The following LRRK2 variants were observed in gnomAD, a reference collection of about 807,000 sequenced individuals.
The protein encoded by LRRK2 is leucine rich repeat kinase 2.
A neutral mutation model predicts 302.6 loss-of-function variants in LRRK2; 203 were observed. The ratio of observed to expected loss-of-function variants is 0.67; its 90% CI spans 0.60 to 0.75. LRRK2 has a LOEUF of 0.75. Ranked by LOEUF, LRRK2 falls within the 30% of genes least tolerant of loss-of-function variation. The pLI is 0.00. For synonymous variants in LRRK2, 1,066 were observed against 1,031.9 expected (o/e 1.03, Z -0.63); for missense variants, 2,830 against 2,951.0 (o/e 0.96, Z 0.95).
chr12:40,365,596 C>G (rs1054626641), intron 49 of LRRK2: 5 of 151,570 alleles, frequency 3.3e-5, no homozygotes, highest in African/African-American at 9.7e-5. Context: ...AATATATTTT[C>G]TGCATAAATA....
At chr12:40,315,806 AT>A (rs5797666) in intron 33 of LRRK2, among the ~76,000 whole-genome samples, 105,567 of 151,362 alleles carry the variant, frequency 0.7, 37,133 homozygotes, top group African/African-American at 0.77. Context: ...ATGGAAAATG[AT>A]TTTTTTCTCC....
chr12:40,348,874 CT>C (rs1036463548), intron 43 of LRRK2, among the ~76,000 whole-genome samples: 8 of 151,910 alleles, frequency 5.3e-5, no homozygotes, highest in African/African-American at 1.9e-4. Flanking sequence ...TGGTGGCTTG[CT>C]TTTTAAATTT....
At chr12:40,305,647 A>G (rs753090943) in intron 27 of LRRK2, 138 bp from the exon 28 acceptor site, 8 of 776,402 alleles carry the variant, frequency 1.0e-5, no homozygotes, top group Admixed American at 6.1e-5. Flanking sequence ...AACCTTTGGA[A>G]AGTTTTAAAA....
chr12:40,287,492 C>G lies in LRRK2; in HGVS notation c.2642C>G (p.Ser881Cys). Residue 881 changes from serine to cysteine, a missense_variant, in exon 20 of 51, where the codon TCT becomes TGT. By Grantham distance (112) the Ser-to-Cys change is moderately radical (BLOSUM62 -1). This residue lies in a region of LRRK2 where 2,121 missense variants were observed against 2,148.0 expected (regional missense o/e 0.99). Transcript: ENST00000298910. ...KFDEWTFIPD[S>C]SMDSVFAQSD... ...GATGAATGGACCTTTATTCCTGACTCTTCTATGGACAGTGTGTTTGCTCAA... is the reference window on the plus strand; with the variant it reads ...GATGAATGGACCTTTATTCCTGACTGTTCTATGGACAGTGTGTTTGCTCAA... 6.2e-7 allele frequency: 1 copy of G among 1,612,588 alleles called. No individual in the cohort carries two copies. Among genetic ancestry groups the G allele is most frequent in the South Asian group, 1.1e-5 (1 of 91,050 alleles).
intron 14 of LRRK2, among the ~76,000 whole-genome samples, chr12:40,265,035 A>G (rs911962580): frequency 3.3e-5 from 5 of 152,238 alleles, no homozygotes; most frequent in Non-Finnish European, 7.3e-5. Context: ...TAAATTAATT[A>G]AAGTGGCTTC....
intron 27 of LRRK2, 96 bp downstream of exon 27, chr12:40,304,230 C>T (rs1007885188): frequency 7.6e-6 from 9 of 1,181,228 alleles, no homozygotes; most frequent in Non-Finnish European, 1.1e-5. Context: ...ATACCAATTT[C>T]ATGAAACTAG....
In LRRK2 at chr12:40,303,952, C is replaced by A. The variant is rs746433333; in HGVS notation, c.3595C>A (p.Arg1199=). 3.7e-6 allele frequency: 6 copies of A among 1,613,406 alleles called. No individual in the cohort carries two copies. The highest frequency in any genetic ancestry group is 5.1e-6 in the Non-Finnish European group (6 of 1,179,548). The change falls in exon 27 of 51, where the codon CGG becomes AGG. Residue 1199 remains arginine, a synonymous_variant. Coordinates refer to ENST00000298910, the MANE Select transcript of LRRK2 (RefSeq NM_198578.4). The part of the protein sequence containing the change: ...PEAILNLPHL[R]SLDMSSNDIQ... ...CTTTTCTGTGTATTGTTTTAGCTTG[C>A]GGTCTTTAGATATGAGCAGCAATGA...
chr12:40,294,735 A>G (rs1284215530), intron 21 of LRRK2, 110 bp from the exon 22 acceptor site: 6 of 603,608 alleles, frequency 9.9e-6, no homozygotes, highest in South Asian at 6.3e-5. Context: ...ATTTTTTCCC[A>G]TAATTATAAA....
chr12:40,310,780 A>G (rs2136828664), intron 31 of LRRK2, 131 bp downstream of exon 31: 1 of 836,272 alleles, frequency 1.2e-6, no homozygotes, highest in African/African-American at 1.7e-5. Context: ...TAGCATTATT[A>G]AAGTCCTTTC....
chr12:40,325,288 CAAAACAA>C (rs1461762084), intron 38 of LRRK2, among the ~76,000 whole-genome samples: 2 of 152,064 alleles, frequency 1.3e-5, no homozygotes, highest in African/African-American at 2.4e-5. Context: ...CAAAACAAAA[CAAAACAA>C]AAAACAAAAA....
intron 18 of LRRK2, among the ~76,000 whole-genome samples, chr12:40,280,935 G>A (rs1450955373): frequency 1.3e-5 from 2 of 151,810 alleles, no homozygotes; most frequent in African/African-American, 4.8e-5. Context: ...AGGCGTGGTG[G>A]CAGGTGCCTG....
In LRRK2 at chr12:40,315,212, G is replaced by T. The variant is rs1393753963; in HGVS notation, c.4739G>T (p.Gly1580Val). 1 of 1,610,290 alleles carries T rather than the reference G, an allele frequency of 6.2e-7. No homozygotes were observed. Among genetic ancestry groups the T allele is most frequent in the African/African-American group, 1.3e-5 (1 of 74,840 alleles). ...ACTGTTTGATGACTTTTTACTACAG[G>T]AGTCCTTCTTCATTTTCAAGACCCA... is the stretch of plus-strand genomic sequence containing the variant. ...PHAVHFLNES[G>V]VLLHFQDPAL... is the part of the protein sequence containing the mutation. The change falls in exon 33 of 51, where the codon GGA becomes GTA. Residue 1580 changes from glycine to valine, a missense_variant and splice_region_variant. This residue lies in a region of LRRK2 where 2,121 missense variants were observed against 2,148.0 expected (regional missense o/e 0.99). Coordinates refer to ENST00000298910, the MANE Select transcript of LRRK2 (RefSeq NM_198578.4).
chr12:40,346,832 C>T lies in LRRK2; in HGVS notation c.6189C>T (p.Leu2063=). The T allele has an allele frequency of 6.2e-7, 1 of 1,613,654 alleles. No homozygotes were observed. The highest frequency in any genetic ancestry group is 8.5e-7 in the Non-Finnish European group (1 of 1,179,696). ...ATGTTTATTCATTTGGTTTACTACTCTATGACATTTTGACAACTGGAGGTA... is the reference window on the plus strand; with the variant it reads ...ATGTTTATTCATTTGGTTTACTACTTTATGACATTTTGACAACTGGAGGTA... The part of the protein sequence containing the change: ...QADVYSFGLL[L]YDILTTGGRI... The change falls in exon 42 of 51, where the codon CTC becomes CTT. Residue 2063 remains leucine, a synonymous_variant. Transcript: ENST00000298910.
rs755698334 is a variant in LRRK2, at chr12:40,367,748, C to G, written c.7567C>G (p.Arg2523Gly). Residue 2523 changes from arginine to glycine, a missense_variant, in exon 51 of 51, where the codon CGA (arginine) becomes GGA (glycine). Arg to Gly is a moderately radical substitution (Grantham distance 125, BLOSUM62 -2). Around this residue, in one of 3 missense-constraint regions of LRRK2, gnomAD observed 456 missense variants for 456.3 expected, o/e 1.00. Transcript: ENST00000298910. Reference sequence around the variant, plus strand: ...AAAAGAATTAGCTGAAAAAATGAGACGAACATCTGTTGAGTAAGAGAGAAA... The same window carrying G: ...AAAAGAATTAGCTGAAAAAATGAGAGGAACATCTGTTGAGTAAGAGAGAAA... ...VRKELAEKMR[R>G]TSVE The G allele has an allele frequency of 6.2e-7, 1 of 1,604,410 alleles. No homozygotes were observed. Among genetic ancestry groups the G allele is most frequent in the Non-Finnish European group, 8.5e-7 (1 of 1,174,510 alleles).
chr12:40,345,403 A>G (rs1946161147), intron 41 of LRRK2, among the ~76,000 whole-genome samples: 2 of 151,946 alleles, frequency 1.3e-5, no homozygotes, highest in East Asian at 3.9e-4. Flanking sequence ...TGGGTGGATC[A>G]CTTGAGGTCA....
Position 40,363,398 on chromosome 12 carries a change from G to A in LRRK2, c.7029-4G>A. On this transcript the variant is annotated splice_polypyrimidine_tract_variant and splice_region_variant and intron_variant, in intron 47 of 50. Coordinates refer to ENST00000298910, the MANE Select transcript of LRRK2 (RefSeq NM_198578.4). ...GATGACTTTCTATTTTTTTTTCTCT[G>A]TAGGTTTTCTTATGCAGCTTTCAGT... 1 of 1,609,260 alleles carries A rather than the reference G, an allele frequency of 6.2e-7. No individual in the cohort carries two copies. The highest frequency in any genetic ancestry group is 1.1e-5 in the South Asian group (1 of 90,892).
At chr12:40,354,203 A>G in intron 44 of LRRK2, 96 bp from the exon 45 acceptor site, 1 of 1,010,722 alleles carries the variant, frequency 9.9e-7, no homozygotes, top group Non-Finnish European at 1.5e-6. Context: ...GAAAGCAAAA[A>G]GAGTTATGTT....
chr12:40,279,846 T>C (rs1943611669), intron 18 of LRRK2, among the ~76,000 whole-genome samples: 1 of 152,272 alleles, frequency 6.6e-6, no homozygotes, highest in Admixed American at 6.5e-5. Context: ...TCAGAGGTTA[T>C]TTATATCTAG....
At chr12:40,340,569 G>A in intron 41 of LRRK2, 115 bp downstream of exon 41, 1 of 1,063,506 alleles carries the variant, frequency 9.4e-7, no homozygotes, top group African/African-American at 1.6e-5. Flanking sequence ...GTGAACAGAG[G>A]TTTATTTTGT....
Sources: allele counts gnomAD v4.1 joint callset (sites outside exome capture counted in the v4.1 genomes callset), GRCh38; gene constraint gnomAD v4.1.1; regional missense constraint gnomAD v4.1.1; transcripts MANE v1.5; gene names NCBI Gene and HGNC (gene_info 2026-07-23, HGNC 2026-07-21).